The following GSX1 variants were observed in gnomAD, a reference collection of about 807,000 sequenced individuals.
The protein encoded by GSX1 is GS homeobox 1.
A neutral mutation model predicts 17.7 loss-of-function variants in GSX1; 13 were observed. The ratio of observed to expected loss-of-function variants is 0.74; its 90% CI spans 0.48 to 1.17. GSX1 has a LOEUF of 1.17. GSX1 is among the 50% of genes most tolerant of loss of function. The pLI is 0.00. For synonymous variants in GSX1, 202 were observed against 176.2 expected (o/e 1.15, Z -1.16); for missense variants, 371 against 372.1 (o/e 1.00, Z 0.02).
At position 27,792,622 on chromosome 13, in the gene GSX1, C is replaced by T; in HGVS notation, c.-69C>T. On this transcript the variant is annotated 5_prime_UTR_variant, in exon 1 of 2. Coordinates refer to ENST00000302945, the MANE Select transcript of GSX1 (RefSeq NM_145657.3). ...CGGGATACCGCGGCCAGGGAAAGCG[C>T]GTGGAGAGCCGAAAGGTGCGGTGGG... is the stretch of plus-strand genomic sequence containing the variant. 8.0e-7 allele frequency: 1 copy of T among 1,254,318 alleles called. No individual in the cohort carries two copies. Among genetic ancestry groups the T allele is most frequent in the Non-Finnish European group, 1.0e-6 (1 of 978,148 alleles). 77.7% of individuals were successfully genotyped at this position (1,254,318 alleles called of 1,614,324 possible). A position where few individuals can be genotyped will look rare whatever the true frequency, so the allele number is the denominator to read the frequency against.
rs1957071807 is a variant in GSX1 at position 27,792,493 on chromosome 13, C to G, written c.-198C>G. Reference sequence around the variant, plus strand: ...CCGGCGCCTTTCAGCACCACTAGCGCTGGCCAGCACCCCGCGCTCTTTGGG... The same window carrying G: ...CCGGCGCCTTTCAGCACCACTAGCGGTGGCCAGCACCCCGCGCTCTTTGGG... On this transcript the variant is annotated 5_prime_UTR_variant, in exon 1 of 2. Transcript: ENST00000302945. 1 of 489,446 alleles carries G rather than the reference C, an allele frequency of 2.0e-6. No homozygotes were observed. The highest frequency in any genetic ancestry group is 4.4e-5 in the Admixed American group (1 of 22,596). The allele number at this position is 489,446 out of a possible 1,614,324, so 30.3% of individuals were successfully genotyped here. A position where few individuals can be genotyped will look rare whatever the true frequency, so the allele number is the denominator to read the frequency against.
Position 27,792,668 on chromosome 13 carries a change from C to T in GSX1, c.-23C>T. On this transcript the variant is annotated 5_prime_UTR_variant, in exon 1 of 2. Transcript: ENST00000302945. ...GTGGGCGCAGAGGGCGGGCTGGCTG[C>T]GGGGCGACCGCGCGCCGGGGCCATG... 2 of 1,357,360 alleles carry T rather than the reference C, an allele frequency of 1.5e-6. No individual in the cohort carries two copies. The highest frequency in any genetic ancestry group is 1.8e-5 in the South Asian group (1 of 55,378). The allele number at this position is 1,357,360 out of a possible 1,614,324, so 84.1% of individuals were successfully genotyped here.
In GSX1 at chr13:27,793,227, G is replaced by C. The variant is rs916032198; in HGVS notation, c.412+125G>C. ...GGTGAGGGTCATGTCGGGGACTAAG[G>C]GGGGCGCTTGGGGTGGAGTGAGGAT... On this transcript the variant is annotated intron_variant, in intron 1 of 1. Transcript: ENST00000302945. This position sits in a 1 kb window ranked among gnomAD's most constrained non-coding sequence, Gnocchi z 6.2. 29 of 1,062,718 alleles carry C rather than the reference G, an allele frequency of 2.7e-5. No homozygotes were observed. Among genetic ancestry groups the C allele is most frequent in the Admixed American group, 2.7e-4 (9 of 33,546 alleles). The allele number at this position is 1,062,718 out of a possible 1,614,324, so 65.8% of individuals were successfully genotyped here. A position where few individuals can be genotyped will look rare whatever the true frequency, so the allele number is the denominator to read the frequency against.
chr13:27,793,850 T>G lies in GSX1; in HGVS notation c.697T>G (p.Ser233Ala). The G allele has an allele frequency of 1.2e-6, 2 of 1,610,222 alleles. No homozygotes were observed. The highest frequency in any genetic ancestry group is 1.7e-6 in the Non-Finnish European group (2 of 1,177,772). Residue 233 changes from serine (S) to alanine (A), a missense_variant, in exon 2 of 2, where the codon TCG (serine) becomes GCG (alanine). Ser to Ala is a moderately conservative substitution (Grantham distance 99). This residue lies in a region of GSX1 where 92 missense variants were observed against 70.0 expected (regional missense o/e 1.31). Coordinates refer to ENST00000302945, the MANE Select transcript of GSX1 (RefSeq NM_145657.3). The surrounding 1 kb of genome is among the most constrained non-coding windows in gnomAD (Gnocchi z 6.2). ...CGCACCGCAAGGCTGCAAGTGCGCA[T>G]CGCTCTCCTCAGCCAAGTGCTCCGA... The part of the protein sequence containing the change: ...GSAPQGCKCA[S>A]LSSAKCSEDD...
rs773592585 is a variant in GSX1 at position 27,793,114 on chromosome 13, C to T, written c.412+12C>T. ...CTGCATCTCTGTGGGTAAGCGGGGC[C>T]GCCGCGCAGAGGGACCGGGCAGAGG... On this transcript the variant is annotated intron_variant, in intron 1 of 1. Transcript: ENST00000302945. The surrounding 1 kb of genome is among the most constrained non-coding windows in gnomAD (Gnocchi z 6.2). 3.9e-6 allele frequency: 6 copies of T among 1,522,438 alleles called. No homozygotes were observed. The highest frequency in any genetic ancestry group is 2.8e-5 in the African/African-American group (2 of 71,122). 94.3% of individuals were successfully genotyped at this position (1,522,438 alleles called of 1,614,324 possible). A position where few individuals can be genotyped will look rare whatever the true frequency, so the allele number is the denominator to read the frequency against.
In GSX1 at chr13:27,792,673, C is replaced by T. The variant is rs1285098757; in HGVS notation, c.-18C>T. ...CGCAGAGGGCGGGCTGGCTGCGGGG[C>T]GACCGCGCGCCGGGGCCATGCCGCG... On this transcript the variant is annotated 5_prime_UTR_variant, in exon 1 of 2. Transcript: ENST00000302945. 2 of 1,363,766 alleles carry T rather than the reference C, an allele frequency of 1.5e-6. No individual in the cohort carries two copies. The highest frequency in any genetic ancestry group is 1.8e-5 in the South Asian group (1 of 56,760). The allele number at this position is 1,363,766 out of a possible 1,614,324, so 84.5% of individuals were successfully genotyped here.
rs1343449312 is a variant in GSX1, at chr13:27,793,779, G to A, written c.626G>A (p.Ser209Asn). 1 of 1,614,134 alleles carries A rather than the reference G, an allele frequency of 6.2e-7. No individual in the cohort carries two copies. The highest frequency in any genetic ancestry group is 8.5e-7 in the Non-Finnish European group (1 of 1,179,990). ...RVKHKKEGKG[S>N]NHRGGGGGGA... The stretch of plus-strand genomic sequence containing the variant: ...AAGCACAAGAAGGAGGGCAAGGGCA[G>A]CAACCATCGTGGCGGCGGCGGCGGG... Residue 209 changes from serine (S) to asparagine (N), a missense_variant, in exon 2 of 2, where the codon AGC becomes AAC. Around this residue, in one of 3 missense-constraint regions of GSX1, gnomAD observed 67 missense variants for 108.1 expected, o/e 0.62. Coordinates refer to ENST00000302945, the MANE Select transcript of GSX1 (RefSeq NM_145657.3). This position sits in a 1 kb window ranked among gnomAD's most constrained non-coding sequence, Gnocchi z 6.2.
Position 27,793,272 on chromosome 13 carries a change from C to A in GSX1, c.412+170C>A, listed in dbSNP as rs1227728197. On this transcript the variant is annotated intron_variant, in intron 1 of 1. Coordinates refer to ENST00000302945, the MANE Select transcript of GSX1 (RefSeq NM_145657.3). This position sits in a 1 kb window ranked among gnomAD's most constrained non-coding sequence, Gnocchi z 6.2. The stretch of plus-strand genomic sequence containing the variant: ...GAGGATAGAGGGCCGGGACACAACG[C>A]CAGGAGGCGGATGAGGGCAGACGTC... Among the ~76,000 whole-genome samples, 1 of 152,092 alleles carries A rather than the reference C, an allele frequency of 6.6e-6. No homozygotes were observed. The highest frequency in any genetic ancestry group is 1.5e-5 in the Non-Finnish European group (1 of 68,010).
At position 27,793,939 on chromosome 13, in the gene GSX1, C is replaced by T. The variant is rs1478110206; in HGVS notation, c.786C>T (p.Val262=). 6.4e-7 allele frequency: 1 copy of T among 1,557,472 alleles called. No individual in the cohort carries two copies. Among genetic ancestry groups the T allele is most frequent in the East Asian group, 2.3e-5 (1 of 44,434 alleles). Residue 262 remains valine (V), a synonymous_variant, in exon 2 of 2, where the codon GTC becomes GTT. Coordinates refer to ENST00000302945, the MANE Select transcript of GSX1 (RefSeq NM_145657.3). This position sits in a 1 kb window ranked among gnomAD's most constrained non-coding sequence, Gnocchi z 6.2. ...GGAAGGACGACCGGGATCTTACGGT[C>T]ACTCCCTAGGCGCGTGTCTCCCTAG... ...SSGKDDRDLT[V]TP is the part of the protein sequence containing the mutation.
chr13:27,794,103 G>A lies in GSX1; in HGVS notation c.*155G>A. On this transcript the variant is annotated 3_prime_UTR_variant, in exon 2 of 2. Coordinates refer to ENST00000302945, the MANE Select transcript of GSX1 (RefSeq NM_145657.3). ...AGAGGTCCCGGGCCTGGGCAGGGCTGAGAGCTTGGCAGAGACTGGACCATG... is the reference window on the plus strand; with the variant it reads ...AGAGGTCCCGGGCCTGGGCAGGGCTAAGAGCTTGGCAGAGACTGGACCATG... The A allele has an allele frequency of 1.2e-6, 1 of 838,082 alleles. No homozygotes were observed. The highest frequency in any genetic ancestry group is 1.9e-5 in the South Asian group (1 of 52,116). 51.9% of individuals were successfully genotyped at this position (838,082 alleles called of 1,614,324 possible).
chr13:27,792,807 G>T lies in GSX1; in HGVS notation c.117G>T (p.Leu39=). ...ACGCTGTGCCCCCGCCGCACGCGCT[G>T]CACGGTCTCTCGCCTGGCGCCTGCC... ...FPYAVPPPHA[L]HGLSPGACHA... Residue 39 remains leucine, a synonymous_variant, in exon 1 of 2, where the codon CTG becomes CTT. Transcript: ENST00000302945. The T allele has an allele frequency of 6.6e-7, 1 of 1,506,298 alleles. No homozygotes were observed. The highest frequency in any genetic ancestry group is 1.2e-5 in the South Asian group (1 of 80,740). 93.3% of individuals were successfully genotyped at this position (1,506,298 alleles called of 1,614,324 possible). A position where few individuals can be genotyped will look rare whatever the true frequency, so the allele number is the denominator to read the frequency against.
In GSX1 at chr13:27,792,761, G is replaced by C. The variant is rs1198172083; in HGVS notation, c.71G>C (p.Ser24Thr). 6 of 1,486,408 alleles carry C rather than the reference G, an allele frequency of 4.0e-6. No homozygotes were observed. Among genetic ancestry groups the C allele is most frequent in the African/African-American group, 2.9e-5 (2 of 68,352 alleles). 92.1% of individuals were successfully genotyped at this position (1,486,408 alleles called of 1,614,324 possible). A position where few individuals can be genotyped will look rare whatever the true frequency, so the allele number is the denominator to read the frequency against. ...GGCGAGAAGAAGGCGCCCGAGGGCA[G>C]CCCGCCGCCGCTCTTCCCCTACGCT... ...EAGEKKAPEG[S>T]PPPLFPYAVP... The change falls in exon 1 of 2, where the codon AGC becomes ACC. Residue 24 changes from serine (S) to threonine (T), a missense_variant. Coordinates refer to ENST00000302945, the MANE Select transcript of GSX1 (RefSeq NM_145657.3).
rs1406592800 is a variant in GSX1 at position 27,792,791 on chromosome 13, C to T, written c.101C>T (p.Pro34Leu). ...CCGCCGCTCTTCCCCTACGCTGTGCCCCCGCCGCACGCGCTGCACGGTCTC... is the reference window on the plus strand; with the variant it reads ...CCGCCGCTCTTCCCCTACGCTGTGCTCCCGCCGCACGCGCTGCACGGTCTC... ...SPPPLFPYAVPPPHALHGLSP... is the reference protein window; with the variant it reads ...SPPPLFPYAVLPPHALHGLSP... The change falls in exon 1 of 2, where the codon CCC becomes CTC. Residue 34 changes from proline to leucine, a missense_variant. Transcript: ENST00000302945. 6.7e-7 allele frequency: 1 copy of T among 1,500,970 alleles called. No individual in the cohort carries two copies. Among genetic ancestry groups the T allele is most frequent in the East Asian group, 2.7e-5 (1 of 36,480 alleles). The allele number at this position is 1,500,970 out of a possible 1,614,324, so 93.0% of individuals were successfully genotyped here. A position where few individuals can be genotyped will look rare whatever the true frequency, so the allele number is the denominator to read the frequency against.
At position 27,793,688 on chromosome 13, in the gene GSX1, G is replaced by C. The variant is rs1957080871; in HGVS notation, c.535G>C (p.Glu179Gln). Residue 179 changes from glutamate (E) to glutamine (Q), a missense_variant, in exon 2 of 2, where the codon GAG becomes CAG. Coordinates refer to ENST00000302945, the MANE Select transcript of GSX1 (RefSeq NM_145657.3). The surrounding 1 kb of genome is among the most constrained non-coding windows in gnomAD (Gnocchi z 6.2). ...GTACCTGTCCCGCCTACGTCGCATC[G>C]AGATCGCGACCTACCTGAATCTGTC... ...NMYLSRLRRIEIATYLNLSEK... is the reference protein window; with the variant it reads ...NMYLSRLRRIQIATYLNLSEK... The C allele has an allele frequency of 6.2e-7, 1 of 1,614,202 alleles. No homozygotes were observed. The highest frequency in any genetic ancestry group is 8.5e-7 in the Non-Finnish European group (1 of 1,180,036).
In GSX1 at chr13:27,793,695, C is replaced by A; in HGVS notation, c.542C>A (p.Ala181Glu). 6.2e-7 allele frequency: 1 copy of A among 1,614,196 alleles called. No homozygotes were observed. Among genetic ancestry groups the A allele is most frequent in the Non-Finnish European group, 8.5e-7 (1 of 1,180,028 alleles). Reference sequence around the variant, plus strand: ...TCCCGCCTACGTCGCATCGAGATCGCGACCTACCTGAATCTGTCCGAGAAG... The same window carrying A: ...TCCCGCCTACGTCGCATCGAGATCGAGACCTACCTGAATCTGTCCGAGAAG... ...YLSRLRRIEIATYLNLSEKQV... is the reference protein window; with the variant it reads ...YLSRLRRIEIETYLNLSEKQV... Residue 181 changes from alanine (A) to glutamate (E), a missense_variant, in exon 2 of 2, where the codon GCG (alanine) becomes GAG (glutamate). This residue lies in a region of GSX1 where 67 missense variants were observed against 108.1 expected (regional missense o/e 0.62). Coordinates refer to ENST00000302945, the MANE Select transcript of GSX1 (RefSeq NM_145657.3). This position sits in a 1 kb window ranked among gnomAD's most constrained non-coding sequence, Gnocchi z 6.2.
In GSX1 at chr13:27,793,696, G is replaced by C. The variant is rs749292156; in HGVS notation, c.543G>C (p.Ala181=). 6.2e-7 allele frequency: 1 copy of C among 1,614,186 alleles called. No homozygotes were observed. Among genetic ancestry groups the C allele is most frequent in the South Asian group, 1.1e-5 (1 of 91,074 alleles). ...YLSRLRRIEI[A]TYLNLSEKQV... ...CCCGCCTACGTCGCATCGAGATCGC[G>C]ACCTACCTGAATCTGTCCGAGAAGC... is the stretch of plus-strand genomic sequence containing the variant. The change falls in exon 2 of 2, where the codon GCG becomes GCC. Residue 181 remains alanine (A), a synonymous_variant. Coordinates refer to ENST00000302945, the MANE Select transcript of GSX1 (RefSeq NM_145657.3). The surrounding 1 kb of genome is among the most constrained non-coding windows in gnomAD (Gnocchi z 6.2).
chr13:27,793,483 AG>A lies in GSX1; in HGVS notation c.413-81del. 1 of 1,385,748 alleles carries A rather than the reference AG, an allele frequency of 7.2e-7. No individual in the cohort carries two copies. The highest frequency in any genetic ancestry group is 9.8e-7 in the Non-Finnish European group (1 of 1,018,158). The allele number at this position is 1,385,748 out of a possible 1,614,324, so 85.8% of individuals were successfully genotyped here. On this transcript the variant is annotated intron_variant, in intron 1 of 1. Transcript: ENST00000302945. The surrounding 1 kb of genome is among the most constrained non-coding windows in gnomAD (Gnocchi z 6.2). ...GAGATGGGTAAGAGGTCAAAGTCGT[AG>A]GATTCTGGCGACCGCCTACCAAGGG...
chr13:27,793,008 C>A lies in GSX1; in HGVS notation c.318C>A (p.Val106=). ...GRQHSAVSPG[V]AHGPAAAAAA... ...AGCACTCTGCTGTGTCGCCCGGGGT[C>A]GCTCACGGCCCGGCCGCCGCTGCTG... is the stretch of plus-strand genomic sequence containing the variant. The change falls in exon 1 of 2, where the codon GTC becomes GTA. Residue 106 remains valine, a synonymous_variant. Coordinates refer to ENST00000302945, the MANE Select transcript of GSX1 (RefSeq NM_145657.3). This position sits in a 1 kb window ranked among gnomAD's most constrained non-coding sequence, Gnocchi z 6.2. 6.4e-7 allele frequency: 1 copy of A among 1,573,954 alleles called. No homozygotes were observed. The highest frequency in any genetic ancestry group is 2.3e-5 in the East Asian group (1 of 43,538).
In GSX1 at chr13:27,793,591, C is replaced by A. The variant is rs1461423213; in HGVS notation, c.438C>A (p.Ser146Arg). 2 of 1,613,300 alleles carry A rather than the reference C, an allele frequency of 1.2e-6. No individual in the cohort carries two copies. The highest frequency in any genetic ancestry group is 2.2e-5 in the South Asian group (2 of 91,012). The stretch of plus-strand genomic sequence containing the variant: ...ACAGCAGCTCTAACCAGCTGCCCAG[C>A]AGCAAGAGGATGCGCACGGCTTTCA... The part of the protein sequence containing the change: ...SVDSSSNQLP[S>R]SKRMRTAFTS... The change falls in exon 2 of 2, where the codon AGC (serine) becomes AGA (arginine). Residue 146 changes from serine to arginine, a missense_variant. Ser to Arg is a moderately radical substitution (Grantham distance 110). Transcript: ENST00000302945. This position sits in a 1 kb window ranked among gnomAD's most constrained non-coding sequence, Gnocchi z 6.2.
Sources: gnomAD v4.1 joint callset for allele counts (sites outside exome capture counted in the v4.1 genomes callset) on GRCh38, gnomAD v4.1.1 for gene constraint, gnomAD v4.1.1 regional missense constraint, Gnocchi (gnomAD v3.1) non-coding constraint, MANE v1.5 for transcripts, NCBI Gene and HGNC (gene_info 2026-07-23, HGNC 2026-07-21) for gene names.